Variants in RMDN1 observed in about 807,000 individuals in gnomAD.
The protein encoded by RMDN1 is regulator of microtubule dynamics 1.
A neutral mutation model predicts 48.9 loss-of-function variants in RMDN1; 48 were observed. The ratio of observed to expected loss-of-function variants is 0.98; its 90% CI spans 0.78 to 1.25. The LOEUF is 1.25. RMDN1 is among the 50% of genes most tolerant of loss of function. The pLI is 0.00. For missense variants in RMDN1, 418 were observed against 373.4 expected, an observed-to-expected ratio of 1.12 and a Z score of -0.98; for synonymous variants, 148 against 132.6, an observed-to-expected ratio of 1.12 and a Z score of -0.80.
At chr8:86,481,322 T>TGTGGTAAAA (rs1448021036) in intron 5 of RMDN1, among the ~76,000 whole-genome samples, 1 of 152,170 alleles carries the variant, frequency 6.6e-6, no homozygotes, top group Non-Finnish European at 1.5e-5. Flanking sequence ...CTCATAAGGT[T>TGTGGTAAAA]GTGGTAAAAA....
In RMDN1 at chr8:86,472,440, C is replaced by T. The variant is rs13282351; in HGVS notation, c.*1868G>A. 0.3 allele frequency: 213,489 copies of T among 701,846 alleles called. 37,310 individuals are homozygous for T. Among genetic ancestry groups the T allele is most frequent in the Admixed American group, 0.55 (27,414 of 49,924 alleles). The allele number at this position is 701,846 out of a possible 1,614,324, so 43.5% of individuals were successfully genotyped here. Reference sequence around the variant, plus strand: ...GCAGAATGCCACATCCCTAGAAAGACCCACTTCCTGGCCCTTCAGCTGCTT... The same window carrying T: ...GCAGAATGCCACATCCCTAGAAAGATCCACTTCCTGGCCCTTCAGCTGCTT... On this transcript the variant is annotated 3_prime_UTR_variant, in exon 10 of 10. Transcript: ENST00000406452.
intron 1 of RMDN1, 146 bp downstream of exon 1, chr8:86,508,346 G>T: frequency 1.2e-6 from 1 of 837,334 alleles, no homozygotes; most frequent in Non-Finnish European, 1.7e-6. Flanking sequence ...GGACCTGTCC[G>T]GGCGTTCCAG....
At chr8:86,468,876 T>C (rs1812313697), downstream of RMDN1, among the ~76,000 whole-genome samples, 1 of 152,082 alleles carries the variant, frequency 6.6e-6, no homozygotes, top group Admixed American at 6.6e-5. Flanking sequence ...CTCCCCTTCT[T>C]CCCTTCCCAT....
At chr8:86,500,533 A>AC (rs1355751361) in intron 2 of RMDN1, among the ~76,000 whole-genome samples, 5 of 151,338 alleles carry the variant, frequency 3.3e-5, no homozygotes, top group African/African-American at 1.2e-4. Flanking sequence ...AAATAATTAA[A>AC]AAAAAAAAAG....
At chr8:86,514,069 G>A (rs1417652744) in intron 1 of RMDN1, among the ~76,000 whole-genome samples, 3 of 151,914 alleles carry the variant, frequency 2.0e-5, no homozygotes, top group Non-Finnish European at 4.4e-5. Flanking sequence ...GCTGGGGCTG[G>A]TCTCCAACTC....
intron 2 of RMDN1, among the ~76,000 whole-genome samples, chr8:86,501,852 G>A (rs2131204579): frequency 6.6e-6 from 1 of 151,466 alleles, no homozygotes; most frequent in South Asian, 2.1e-4. Context: ...TTAAGTATTT[G>A]CCAAAATAAA....
upstream of RMDN1, chr8:86,508,831 A>C (rs966912793): frequency 7.1e-6 from 9 of 1,267,564 alleles, no homozygotes; most frequent in Admixed American, 1.3e-4. Flanking sequence ...GTGGGACTTA[A>C]TGGACTTTCC....
chr8:86,493,801 A>T (rs183042257), intron 2 of RMDN1, among the ~76,000 whole-genome samples: 10 of 152,338 alleles, frequency 6.6e-5, no homozygotes, highest in African/African-American at 2.2e-4. Flanking sequence ...CCTTCAGGTT[A>T]TGTGCATAAG....
Position 86,472,462 on chromosome 8 carries a change from GCT to G in RMDN1, c.*1844_*1845del. 1 of 702,500 alleles carries G rather than the reference GCT, an allele frequency of 1.4e-6. No homozygotes were observed. Among genetic ancestry groups the G allele is most frequent in the Middle Eastern group, 2.3e-4 (1 of 4,370 alleles). 43.5% of individuals were successfully genotyped at this position (702,500 alleles called of 1,614,324 possible). A position where few individuals can be genotyped will look rare whatever the true frequency, so the allele number is the denominator to read the frequency against. ...AGACCCACTTCCTGGCCCTTCAGCT[GCT>G]TCTGTTTCTCTTCACCTACAAAAAT... is the stretch of plus-strand genomic sequence containing the variant. On this transcript the variant is annotated 3_prime_UTR_variant, in exon 10 of 10. Coordinates refer to ENST00000406452, the MANE Select transcript of RMDN1 (RefSeq NM_016033.3).
intron 2 of RMDN1, among the ~76,000 whole-genome samples, chr8:86,498,604 C>T (rs956625571): frequency 2.0e-5 from 3 of 151,920 alleles, no homozygotes; most frequent in Non-Finnish European, 4.4e-5. Flanking sequence ...CATGGAGAAA[C>T]CCCGACTCTA....
intron 2 of RMDN1, among the ~76,000 whole-genome samples, chr8:86,489,895 A>T (rs1816207311): frequency 6.6e-6 from 1 of 151,826 alleles, no homozygotes; most frequent in Non-Finnish European, 1.5e-5. Context: ...AGAAAAATAC[A>T]ATGAAATTTG....
intron 2 of RMDN1, among the ~76,000 whole-genome samples, chr8:86,506,681 T>C (rs1819419737): frequency 1.3e-5 from 2 of 152,190 alleles, no homozygotes; most frequent in Admixed American, 6.5e-5. Flanking sequence ...CTGATAACGG[T>C]ATCTTGGTTC....
chr8:86,505,241 T>C (rs1473650277), intron 2 of RMDN1: 1 of 534,386 alleles, frequency 1.9e-6, no homozygotes, highest in African/African-American at 2.0e-5. Flanking sequence ...TCAATGGTTT[T>C]TTAAATATTT....
upstream of RMDN1, among the ~76,000 whole-genome samples, chr8:86,509,690 A>G (rs1376213097): frequency 6.6e-6 from 1 of 152,224 alleles, no homozygotes; most frequent in Non-Finnish European, 1.5e-5. Flanking sequence ...AAAGAGATGT[A>G]TTAACCTAAC....
intron 2 of RMDN1, among the ~76,000 whole-genome samples, chr8:86,491,695 T>C (rs1283473781): frequency 5.3e-5 from 8 of 152,190 alleles, no homozygotes; most frequent in Non-Finnish European, 1.0e-4. Flanking sequence ...TAAAACTGTA[T>C]AGTGAAATCT....
chr8:86,510,436 A>T (rs768501233), upstream of RMDN1, among the ~76,000 whole-genome samples: 11 of 152,090 alleles, frequency 7.2e-5, no homozygotes, highest in Non-Finnish European at 1.3e-4. Context: ...ACTTTCTTTA[A>T]ATCTTTAAAT....
At chr8:86,502,689 T>C (rs780235909) in intron 2 of RMDN1, among the ~76,000 whole-genome samples, 1 of 152,232 alleles carries the variant, frequency 6.6e-6, no homozygotes, top group African/African-American at 2.4e-5. Flanking sequence ...CTAGAGCCTT[T>C]TGTTAACCAA....
chr8:86,509,203 A>G (rs1335137482), upstream of RMDN1, among the ~76,000 whole-genome samples: 1 of 152,094 alleles, frequency 6.6e-6, no homozygotes, highest in Non-Finnish European at 1.5e-5. Flanking sequence ...AAAAAATGCA[A>G]AGCGTTTTGG....
At chr8:86,508,772 C>CTG, upstream of RMDN1, 1 of 1,377,428 alleles carries the variant, frequency 7.3e-7, no homozygotes, top group Non-Finnish European at 9.4e-7. Flanking sequence ...TCTTCCGCCC[C>CTG]CATGGTTTCC....
Sources: gnomAD v4.1 joint callset for allele counts (sites outside exome capture counted in the v4.1 genomes callset) on GRCh38, gnomAD v4.1.1 for gene constraint, MANE v1.5 for transcripts, NCBI Gene and HGNC (gene_info 2026-07-23, HGNC 2026-07-21) for gene names.